The following PAQR5 variants were observed in gnomAD, a reference collection of about 807,000 sequenced individuals.
PAQR5 encodes the protein membrane progestin receptor gamma.
In PAQR5, 20 loss-of-function variants were observed where a neutral mutation model predicts 34.5. The observed-to-expected ratio is 0.58, with a 90% confidence interval of 0.41 to 0.84. The LOEUF (loss-of-function observed/expected upper bound fraction) is 0.84. Ranked by LOEUF, PAQR5 falls within the 40% of genes least tolerant of loss-of-function variation. The pLI, the probability that PAQR5 is intolerant of heterozygous loss-of-function variation, is 0.00. For synonymous variants in PAQR5, 131 were observed against 155.6 expected (o/e 0.84, Z 1.18); for missense variants, 378 against 412.7 (o/e 0.92, Z 0.73).
intron 1 of PAQR5, among the ~76,000 whole-genome samples, chr15:69,308,103 G>A (rs1050119313): frequency 6.6e-6 from 1 of 152,200 alleles, no homozygotes; most frequent in Non-Finnish European, 1.5e-5. Flanking sequence ...GCCATCAGAT[G>A]ACCTGGAGGG....
At chr15:69,366,018 AAC>A (rs2055392699) in intron 3 of PAQR5, among the ~76,000 whole-genome samples, 1 of 152,358 alleles carries the variant, frequency 6.6e-6, no homozygotes, top group African/African-American at 2.4e-5. Flanking sequence ...TAGTTTGTTG[AAC>A]ACAGAGTATA....
chr15:69,350,855 G>C (rs11486357), intron 2 of PAQR5, among the ~76,000 whole-genome samples: 12,097 of 152,174 alleles, frequency 0.079, 1,141 homozygotes, highest in African/African-American at 0.22. Flanking sequence ...TTTCTCCCAG[G>C]CTTCGCCAAA....
intron 2 of PAQR5, among the ~76,000 whole-genome samples, chr15:69,349,123 G>T (rs1412912636): frequency 6.6e-6 from 1 of 152,004 alleles, no homozygotes; most frequent in African/African-American, 2.4e-5. Flanking sequence ...GGGAAAATTT[G>T]CCCGTAATGT....
In PAQR5 at chr15:69,403,867, A is replaced by G; in HGVS notation, c.*45A>G. The G allele has an allele frequency of 6.3e-7, 1 of 1,599,888 alleles. No homozygotes were observed. Among genetic ancestry groups the G allele is most frequent in the Non-Finnish European group, 8.5e-7 (1 of 1,174,292 alleles). ...ATGCCAGATGTCAACATTAAGCTGC[A>G]ACATCCTAACCACCATAAGCCGGAG... On this transcript the variant is annotated 3_prime_UTR_variant, in exon 9 of 9. Coordinates refer to ENST00000395407, the MANE Select transcript of PAQR5 (RefSeq NM_017705.4).
intron 1 of PAQR5, among the ~76,000 whole-genome samples, chr15:69,332,177 A>T (rs983022967): frequency 2.6e-5 from 4 of 152,246 alleles, no homozygotes; most frequent in Admixed American, 2.6e-4. Context: ...GGCGGTAGCA[A>T]ATCTGCTGTA....
chr15:69,350,055 T>C (rs1230553381), intron 2 of PAQR5, among the ~76,000 whole-genome samples: 1 of 152,212 alleles, frequency 6.6e-6, no homozygotes, highest in Admixed American at 6.5e-5. Context: ...TGCTCATTTC[T>C]GTAGGCCAGA....
intron 6 of PAQR5, chr15:69,397,257 C>T: frequency 1.5e-6 from 1 of 688,244 alleles, no homozygotes; most frequent in Non-Finnish European, 2.7e-6. Flanking sequence ...GATGGTGTCC[C>T]TGGAGATCTT....
chr15:69,341,750 G>T (rs960667086), intron 2 of PAQR5, among the ~76,000 whole-genome samples: 10 of 152,000 alleles, frequency 6.6e-5, no homozygotes, highest in Non-Finnish European at 1.5e-4. Context: ...TTTGAGACCA[G>T]CCTGGACAAT....
intron 8 of PAQR5, 123 bp from the exon 9 acceptor site, chr15:69,403,458 T>A: frequency 3.6e-6 from 3 of 841,274 alleles, no homozygotes; most frequent in Non-Finnish European, 5.5e-6. Context: ...AGATTTTATA[T>A]AATATGTGGT....
At chr15:69,300,872 TCTTTCTTTCTTTCTTTCTTTCTTC>T (rs2053566726) in intron 1 of PAQR5, among the ~76,000 whole-genome samples, 1 of 23,008 alleles carries the variant, frequency 4.3e-5, no homozygotes, top group African/African-American at 1.2e-4. Context: ...TTTCTTTCTT[TCTTTCTTTCTTTCTTTCTTTCTTC>T]CTTCCTTCCT....
At chr15:69,398,248 G>C (rs2056511970) in intron 7 of PAQR5, among the ~76,000 whole-genome samples, 1 of 152,212 alleles carries the variant, frequency 6.6e-6, no homozygotes, top group Admixed American at 6.5e-5. Flanking sequence ...CGATGGGAAA[G>C]AGATGGAGAG....
At chr15:69,367,434 T>C (rs1379436845) in intron 3 of PAQR5, among the ~76,000 whole-genome samples, 1 of 152,214 alleles carries the variant, frequency 6.6e-6, no homozygotes, top group Non-Finnish European at 1.5e-5. Context: ...TTACCCCATA[T>C]AGCTCGGTGA....
intron 5 of PAQR5, among the ~76,000 whole-genome samples, chr15:69,389,070 C>G (rs2056187429): frequency 6.6e-6 from 1 of 152,240 alleles, no homozygotes. Context: ...AACACCCAAC[C>G]TCTCAGCTGG....
chr15:69,337,100 A>G lies in PAQR5; in HGVS notation c.-276-241A>G, dbSNP rs148300104. ...GGAAACTTCTAGGACTCTCGTGGAG[A>G]GCTGGTATGTTAAACATTGCTAATC... On this transcript the variant is annotated intron_variant, in intron 1 of 8. Coordinates refer to ENST00000395407, the MANE Select transcript of PAQR5 (RefSeq NM_017705.4). 4.4e-3 allele frequency among the ~76,000 whole-genome samples: 666 copies of G among 152,336 alleles called. 3 individuals are homozygous for G. The highest frequency in any genetic ancestry group is 0.015 in the African/African-American group (637 of 41,572).
intron 2 of PAQR5, among the ~76,000 whole-genome samples, chr15:69,338,556 C>T (rs572233697): frequency 6.6e-6 from 1 of 152,340 alleles, no homozygotes; most frequent in Middle Eastern, 3.4e-3. Flanking sequence ...CCACTCTTCT[C>T]ACCTTGGGGT....
intron 3 of PAQR5, among the ~76,000 whole-genome samples, chr15:69,363,043 G>A (rs892475451): frequency 3.9e-5 from 6 of 151,906 alleles, no homozygotes; most frequent in East Asian, 1.9e-4. Context: ...TCCCTTCCCC[G>A]AGCTCCTTCA....
Position 69,327,270 on chromosome 15 carries a change from G to A in PAQR5, c.-276-10071G>A, listed in dbSNP as rs541548327. 5.3e-5 allele frequency among the ~76,000 whole-genome samples: 8 copies of A among 152,132 alleles called. No homozygotes were observed. The South Asian group carries it at 1.7e-3, about 32-fold the overall frequency. On this transcript the variant is annotated intron_variant, in intron 1 of 8. Coordinates refer to ENST00000395407, the MANE Select transcript of PAQR5 (RefSeq NM_017705.4). ...CCTCAGCCTCCCAAAGTGCTTACAG[G>A]TGTGAGCCACTGCGCCCACCACATG...
intron 7 of PAQR5, 39 bp downstream of exon 7, chr15:69,397,603 C>T (rs768236689): frequency 7.6e-7 from 1 of 1,309,444 alleles, no homozygotes; most frequent in African/African-American, 1.4e-5. Flanking sequence ...CTGTTGGCAA[C>T]ACCAGGAAGT....
In PAQR5 at chr15:69,403,998, ACT is replaced by A. The variant is rs1289345972; in HGVS notation, c.*177_*178del. On this transcript the variant is annotated 3_prime_UTR_variant, in exon 9 of 9. Coordinates refer to ENST00000395407, the MANE Select transcript of PAQR5 (RefSeq NM_017705.4). Reference sequence around the variant, plus strand: ...GCTGGGGAAATTTCTCTAAATGTACACTGATTCTGTGTGTGTGATTTTAAAAG... The same window carrying A: ...GCTGGGGAAATTTCTCTAAATGTACAGATTCTGTGTGTGTGATTTTAAAAG... The A allele has an allele frequency of 3.1e-6, 2 of 652,254 alleles. No individual in the cohort carries two copies. Among genetic ancestry groups the A allele is most frequent in the Admixed American group, 6.1e-5 (2 of 32,748 alleles). 40.4% of individuals were successfully genotyped at this position (652,254 alleles called of 1,614,324 possible).
Sources: allele counts gnomAD v4.1 joint callset (sites outside exome capture counted in the v4.1 genomes callset), GRCh38; gene constraint gnomAD v4.1.1; transcripts MANE v1.5; gene names NCBI Gene and HGNC (gene_info 2026-07-23, HGNC 2026-07-21).